WDR19: variants seen among roughly 807,000 people sequenced by gnomAD.
WDR19 encodes WD repeat domain 19, also known as WD repeat-containing protein 19.
Under a neutral mutation model 180.0 loss-of-function variants are expected in WDR19, and 121 were observed. The ratio of observed to expected loss-of-function variants is 0.67; its 90% CI spans 0.58 to 0.78. The LOEUF (loss-of-function observed/expected upper bound fraction) is 0.78, where lower values mean the gene tolerates loss of function less well. Among genes scored for constraint, WDR19 ranks in the 30% least tolerant of loss-of-function variants. WDR19 has a pLI of 0.00. For synonymous variants in WDR19, 497 were observed against 540.7 expected, an observed-to-expected ratio of 0.92 and a Z score of 1.12; for missense variants, 1,450 against 1,640.7, an observed-to-expected ratio of 0.88 and a Z score of 2.01.
intron 5 of WDR19, among the ~76,000 whole-genome samples, chr4:39,195,239 C>T (rs1014280827): frequency 6.6e-5 from 10 of 151,934 alleles, no homozygotes; most frequent in Middle Eastern, 3.4e-3. Flanking sequence ...CAGTGGCAGC[C>T]GCCTGTAATC....
chr4:39,203,542 A>G (rs981499157), intron 6 of WDR19, 100 bp from the exon 7 acceptor site: 2 of 989,680 alleles, frequency 2.0e-6, no homozygotes, highest in East Asian at 5.3e-5. Flanking sequence ...TCTTAGTCCA[A>G]CATTAGTCAG....
At chr4:39,240,442 G>T in intron 21 of WDR19, 108 bp downstream of exon 21, 2 of 564,500 alleles carry the variant, frequency 3.5e-6, no homozygotes, top group Non-Finnish European at 5.3e-6. Context: ...TCTAGCAGGT[G>T]AGTGTTTTCT....
intron 6 of WDR19, among the ~76,000 whole-genome samples, chr4:39,201,591 A>G (rs1473311238): frequency 6.6e-6 from 1 of 152,234 alleles, no homozygotes; most frequent in Non-Finnish European, 1.5e-5. Context: ...ATAGGGCTGA[A>G]GAAGAAAGTC....
intron 6 of WDR19, among the ~76,000 whole-genome samples, chr4:39,202,167 T>TA (rs1394587624): frequency 4.6e-5 from 7 of 152,192 alleles, no homozygotes; most frequent in Non-Finnish European, 7.4e-5. Context: ...TGGACCTTCT[T>TA]ATGTCTCTTA....
At chr4:39,201,167 T>TTCCTTCC (rs906622388) in intron 6 of WDR19, among the ~76,000 whole-genome samples, 1 of 152,064 alleles carries the variant, frequency 6.6e-6, no homozygotes, top group African/African-American at 2.4e-5. Context: ...GAGTCTCAGG[T>TTCCTTCC]TCCTTCCATC....
chr4:39,282,292 T>C (rs1182878280), intron 36 of WDR19, among the ~76,000 whole-genome samples: 1 of 152,258 alleles, frequency 6.6e-6, no homozygotes, highest in African/African-American at 2.4e-5. Context: ...ATTCTGTAGA[T>C]CATTTTGAGA....
intron 19 of WDR19, among the ~76,000 whole-genome samples, chr4:39,233,176 T>C (rs1009829196): frequency 6.6e-6 from 1 of 152,152 alleles, no homozygotes; most frequent in Non-Finnish European, 1.5e-5. Flanking sequence ...CTGTTGTGTA[T>C]TAAAAGGTGA....
At chr4:39,205,084 G>T (rs1430337154) in intron 7 of WDR19, 70 bp from the exon 8 acceptor site, 1 of 1,116,264 alleles carries the variant, frequency 9.0e-7, no homozygotes, top group Non-Finnish European at 1.3e-6. Flanking sequence ...TCAGCTGTTG[G>T]ATTTGCTTAA....
At chr4:39,198,954 C>T (rs1245865328) in intron 5 of WDR19, among the ~76,000 whole-genome samples, 8 of 150,520 alleles carry the variant, frequency 5.3e-5, no homozygotes, top group African/African-American at 1.5e-4. Flanking sequence ...GCCAAGATCA[C>T]GCCACTGTAC....
intron 24 of WDR19, among the ~76,000 whole-genome samples, chr4:39,247,995 T>C (rs565862252): frequency 6.6e-6 from 1 of 152,156 alleles, no homozygotes; most frequent in East Asian, 1.9e-4. Context: ...ATTCAGGAAA[T>C]ACAGAGAATG....
intron 27 of WDR19, among the ~76,000 whole-genome samples, chr4:39,256,247 G>C (rs1553915583): frequency 6.6e-6 from 1 of 152,140 alleles, no homozygotes; most frequent in Non-Finnish European, 1.5e-5. Flanking sequence ...TATTTTTCCT[G>C]TTTTTAGTTT....
At chr4:39,209,642 G>A (rs1435574552) in intron 9 of WDR19, among the ~76,000 whole-genome samples, 1 of 149,892 alleles carries the variant, frequency 6.7e-6, no homozygotes. Context: ...AACCCAGGAG[G>A]CAGAGGTTGC....
intron 3 of WDR19, among the ~76,000 whole-genome samples, chr4:39,187,872 T>TAC (rs1725729388): frequency 6.6e-6 from 1 of 152,244 alleles, no homozygotes; most frequent in Admixed American, 6.5e-5. Context: ...TGCTGTTAAA[T>TAC]ACACAATCTT....
chr4:39,182,538 G>C lies in WDR19; in HGVS notation c.-20G>C. ...TGCGCCTGCGTACTTCATAGTTCGCGTAGCGGCTCGAGCGTGGAGATGAAG... is the reference window on the plus strand; with the variant it reads ...TGCGCCTGCGTACTTCATAGTTCGCCTAGCGGCTCGAGCGTGGAGATGAAG... On this transcript the variant is annotated 5_prime_UTR_variant, in exon 1 of 37. Transcript: ENST00000399820. The C allele has an allele frequency of 6.2e-7, 1 of 1,613,700 alleles. No homozygotes were observed.
intron 33 of WDR19, among the ~76,000 whole-genome samples, chr4:39,275,862 CA>C (rs1373553913): frequency 6.6e-6 from 1 of 152,186 alleles, no homozygotes. Flanking sequence ...TCACAGGGCC[CA>C]CTGCCAGCAG....
intron 29 of WDR19, among the ~76,000 whole-genome samples, chr4:39,267,724 T>C (rs1734954926): frequency 6.6e-6 from 1 of 152,204 alleles, no homozygotes; most frequent in African/African-American, 2.4e-5. Context: ...TTCTTATCTG[T>C]GAAATCGGGA....
chr4:39,200,342 G>T (rs1727244556), intron 6 of WDR19, among the ~76,000 whole-genome samples: 1 of 152,132 alleles, frequency 6.6e-6, no homozygotes, highest in African/African-American at 2.4e-5. Context: ...CTATTTCATG[G>T]TTTTGTGGAT....
rs548969861 is a variant in WDR19, at chr4:39,221,896, C to T, written c.1480-2988C>T. Among the ~76,000 whole-genome samples, 4 of 152,190 alleles carry T rather than the reference C, an allele frequency of 2.6e-5. No individual in the cohort carries two copies. The South Asian group carries it at 8.3e-4, about 32-fold the overall frequency. On this transcript the variant is annotated intron_variant, in intron 14 of 36. Transcript: ENST00000399820. Reference sequence around the variant, plus strand: ...GTAGTAGTCTATAGTATGTATATATCATAATTTGCTTATCCAAGAATTATA... The same window carrying T: ...GTAGTAGTCTATAGTATGTATATATTATAATTTGCTTATCCAAGAATTATA...
chr4:39,269,470 C>A (rs1394519186), intron 30 of WDR19, among the ~76,000 whole-genome samples: 2 of 152,106 alleles, frequency 1.3e-5, no homozygotes, highest in Admixed American at 1.3e-4. Context: ...CAGGGGGGTG[C>A]CCTGAGGAAG....
Sources: allele counts gnomAD v4.1 joint callset (sites outside exome capture counted in the v4.1 genomes callset), GRCh38; gene constraint gnomAD v4.1.1; transcripts MANE v1.5; gene names NCBI Gene and HGNC (gene_info 2026-07-23, HGNC 2026-07-21).